ST6GALNAC3: variants seen among roughly 807,000 people sequenced by gnomAD.
ST6GALNAC3 encodes ST6 N-acetylgalactosaminide alpha-2,6-sialyltransferase 3.
Under a neutral mutation model 32.7 loss-of-function variants are expected in ST6GALNAC3, and 25 were observed. That is an observed-to-expected ratio of 0.76 (90% CI 0.56 to 1.07). ST6GALNAC3 has a LOEUF of 1.07. Ranked by LOEUF, ST6GALNAC3 falls within the 50% of genes least tolerant of loss-of-function variation. ST6GALNAC3 has a pLI of 0.00. For missense variants in ST6GALNAC3, 355 were observed against 382.4 expected (o/e 0.93, Z 0.60); for synonymous variants, 129 against 133.1 (o/e 0.97, Z 0.21).
chr1:76,401,280 T>A (rs1232580412), intron 2 of ST6GALNAC3, among the ~76,000 whole-genome samples: 1 of 152,064 alleles, frequency 6.6e-6, no homozygotes, highest in Admixed American at 6.6e-5. Flanking sequence ...TTTCTTTAGC[T>A]TTATCTAATT....
At chr1:76,572,736 A>T (rs1311929573) in intron 3 of ST6GALNAC3, among the ~76,000 whole-genome samples, 1 of 152,154 alleles carries the variant, frequency 6.6e-6, no homozygotes, top group African/African-American at 2.4e-5. Context: ...CTTACAAATT[A>T]GCTGAGTTCT....
In ST6GALNAC3 at chr1:76,500,514, G is replaced by C. The variant is rs532161018; in HGVS notation, c.623+88097G>C. On this transcript the variant is annotated intron_variant, in intron 3 of 4. Coordinates refer to ENST00000328299, the MANE Select transcript of ST6GALNAC3 (RefSeq NM_152996.4). Reference sequence around the variant, plus strand: ...TTGCTTTGTAAATAATCTTTGAAAGGCTTGTTTTTACAATTTTAAGCTTGA... The same window carrying C: ...TTGCTTTGTAAATAATCTTTGAAAGCCTTGTTTTTACAATTTTAAGCTTGA... Among the ~76,000 whole-genome samples the C allele has an allele frequency of 3.3e-5, 5 of 152,174 alleles. No individual in the cohort carries two copies. The South Asian group carries it at 1.0e-3, about 32-fold the overall frequency.
rs77620800 is a variant in ST6GALNAC3 at position 76,232,293 on chromosome 1, G to A, written c.19-81512G>A. ...TGTAGTATTTATCCATTGTATGGTGGCCTCTGAGCTTATTTCTGTGTTGTC... is the reference window on the plus strand; with the variant it reads ...TGTAGTATTTATCCATTGTATGGTGACCTCTGAGCTTATTTCTGTGTTGTC... On this transcript the variant is annotated intron_variant, in intron 1 of 4. Transcript: ENST00000328299. 4.7e-3 allele frequency among the ~76,000 whole-genome samples: 721 copies of A among 152,284 alleles called. 6 individuals are homozygous for A. Among genetic ancestry groups the A allele is most frequent in the African/African-American group, 0.016 (685 of 41,562 alleles).
intron 1 of ST6GALNAC3, among the ~76,000 whole-genome samples, chr1:76,280,592 A>G (rs1424064217): frequency 6.6e-6 from 1 of 152,216 alleles, no homozygotes; most frequent in African/African-American, 2.4e-5. Context: ...CTATGGGTAG[A>G]GACAAGGGCT....
intron 1 of ST6GALNAC3, among the ~76,000 whole-genome samples, chr1:76,122,158 T>C: frequency 6.6e-6 from 1 of 152,162 alleles, no homozygotes; most frequent in East Asian, 1.9e-4. Context: ...GGTAGTTCCA[T>C]GAGGGCAGAT....
intron 3 of ST6GALNAC3, among the ~76,000 whole-genome samples, chr1:76,572,835 G>T (rs1286907119): frequency 6.6e-6 from 1 of 152,066 alleles, no homozygotes; most frequent in Non-Finnish European, 1.5e-5. Flanking sequence ...CTTGTCAAAG[G>T]TATTGTTAGT....
At chr1:76,443,772 T>C (rs1267797285) in intron 3 of ST6GALNAC3, among the ~76,000 whole-genome samples, 1 of 152,210 alleles carries the variant, frequency 6.6e-6, no homozygotes, top group African/African-American at 2.4e-5. Context: ...AATTAAGATA[T>C]TATGATAGAA....
chr1:76,457,475 T>A (rs920303278), intron 3 of ST6GALNAC3, among the ~76,000 whole-genome samples: 1 of 152,016 alleles, frequency 6.6e-6, no homozygotes, highest in Non-Finnish European at 1.5e-5. Flanking sequence ...TATACTATAC[T>A]ACAAGTAACC....
chr1:76,195,606 C>A (rs1654158345), intron 1 of ST6GALNAC3, among the ~76,000 whole-genome samples: 1 of 152,196 alleles, frequency 6.6e-6, no homozygotes, highest in African/African-American at 2.4e-5. Context: ...TGCTAAGGCG[C>A]TAGCAATTTT....
intron 3 of ST6GALNAC3, among the ~76,000 whole-genome samples, chr1:76,567,447 C>A (rs1454043687): frequency 6.6e-6 from 1 of 152,098 alleles, no homozygotes; most frequent in Non-Finnish European, 1.5e-5. Flanking sequence ...AAAACTTAAG[C>A]AACATGAAAG....
At chr1:76,526,132 T>C (rs1662897196) in intron 3 of ST6GALNAC3, among the ~76,000 whole-genome samples, 1 of 151,916 alleles carries the variant, frequency 6.6e-6, no homozygotes, top group African/African-American at 2.4e-5. Context: ...TCACCTTCCC[T>C]ACTTCCTTTG....
chr1:76,627,512 C>A lies in ST6GALNAC3; in HGVS notation c.684C>A (p.Ala228=), dbSNP rs1557638978. 2 of 1,612,728 alleles carry A rather than the reference C, an allele frequency of 1.2e-6. No homozygotes were observed. Among genetic ancestry groups the A allele is most frequent in the Admixed American group, 3.3e-5 (2 of 59,950 alleles). ...TTACCTTCCTTCTGGCCATGGACGC[C>A]TGTTATGGCATTCACGTCTACGGGA... is the stretch of plus-strand genomic sequence containing the variant. ...GWFTFLLAMD[A]CYGIHVYGMI... Residue 228 remains alanine, a synonymous_variant, in exon 4 of 5, where the codon GCC becomes GCA. Transcript: ENST00000328299.
chr1:76,076,451 A>G (rs1646817662), intron 1 of ST6GALNAC3, among the ~76,000 whole-genome samples: 1 of 152,184 alleles, frequency 6.6e-6, no homozygotes. Flanking sequence ...ACTCAGAAAG[A>G]TATGTCTGGA....
chr1:76,103,232 A>G (rs1327278416), intron 1 of ST6GALNAC3, among the ~76,000 whole-genome samples: 13 of 150,658 alleles, frequency 8.6e-5, no homozygotes, highest in Non-Finnish European at 1.9e-4. Flanking sequence ...GAGGCCTGAT[A>G]TCTTTCTTCA....
intron 3 of ST6GALNAC3, among the ~76,000 whole-genome samples, chr1:76,494,649 GCACACACACACA>G (rs35632611): frequency 1.5e-5 from 1 of 67,702 alleles, no homozygotes; most frequent in African/African-American, 6.5e-5. Flanking sequence ...ATGTGTATGC[GCACACACACACA>G]CACACACACA....
intron 2 of ST6GALNAC3, among the ~76,000 whole-genome samples, chr1:76,344,643 C>T (rs188193629): frequency 6.6e-6 from 1 of 152,108 alleles, no homozygotes; most frequent in African/African-American, 2.4e-5. Context: ...TCTTTTTGCC[C>T]CTGGAGAGGG....
intron 2 of ST6GALNAC3, among the ~76,000 whole-genome samples, chr1:76,340,257 C>T (rs1647849435): frequency 6.6e-6 from 1 of 152,200 alleles, no homozygotes. Context: ...AGCTATTGGC[C>T]TCAGGCCATG....
intron 2 of ST6GALNAC3, among the ~76,000 whole-genome samples, chr1:76,319,844 G>A (rs189636610): frequency 2.5e-4 from 38 of 152,192 alleles, no homozygotes; most frequent in African/African-American, 8.7e-4. Context: ...CCTTTGTTCT[G>A]ACAGCCCCAC....
intron 1 of ST6GALNAC3, among the ~76,000 whole-genome samples, chr1:76,128,063 C>T (rs1000268211): frequency 3.3e-5 from 5 of 152,110 alleles, no homozygotes; most frequent in African/African-American, 1.2e-4. Flanking sequence ...GGATTATCAA[C>T]CTGTGGAGGA....
Sources: allele counts gnomAD v4.1 joint callset (sites outside exome capture counted in the v4.1 genomes callset), GRCh38; gene constraint gnomAD v4.1.1; transcripts MANE v1.5; gene names NCBI Gene and HGNC (gene_info 2026-07-23, HGNC 2026-07-21).